HAND1: variants seen among roughly 807,000 people sequenced by gnomAD.
HAND1 encodes heart and neural crest derivatives expressed 1.
A neutral mutation model predicts 14.5 loss-of-function variants in HAND1; 10 were observed. The observed-to-expected ratio is 0.69, with a 90% CI of 0.42 to 1.17. The LOEUF is 1.17. Among genes scored for constraint, HAND1 ranks in the 50% most tolerant of loss-of-function variants. HAND1 has a pLI of 0.00. For synonymous variants in HAND1, 128 were observed against 127.1 expected (o/e 1.01, Z -0.05); for missense variants, 299 against 298.4 (o/e 1.00, Z -0.01).
At position 154,478,025 on chromosome 5, in the gene HAND1, G is replaced by C. The variant is rs1379824109; in HGVS notation, c.-17C>G. 1 of 1,596,656 alleles carries C rather than the reference G, an allele frequency of 6.3e-7. No homozygotes were observed. Among genetic ancestry groups the C allele is most frequent in the Non-Finnish European group, 8.5e-7 (1 of 1,179,796 alleles). ...GAGGTTCATGTTGGAGCGGCTACTG[G>C]CCTGCGCCGCCAGCCCTATTAACGC... On this transcript the variant is annotated 5_prime_UTR_variant, in exon 1 of 2. Coordinates refer to ENST00000231121, the MANE Select transcript of HAND1 (RefSeq NM_004821.3). This position sits in a 1 kb window ranked among gnomAD's most constrained non-coding sequence, Gnocchi z 4.5.
chr5:154,476,033 C>CTTA, intron 1 of HAND1, 123 bp from the exon 2 acceptor site: 1 of 756,496 alleles, frequency 1.3e-6, no homozygotes, highest in Non-Finnish European at 2.4e-6. Context: ...AACTGGGAGT[C>CTTA]TTTAAATAAG....
Position 154,475,922 on chromosome 5 carries a change from C to T in HAND1, c.544-12G>A. The T allele has an allele frequency of 6.2e-7, 1 of 1,605,956 alleles. No homozygotes were observed. Among genetic ancestry groups the T allele is most frequent in the Non-Finnish European group, 8.5e-7 (1 of 1,172,558 alleles). ...CCTTCGTGCTGCTGCTGCCAAAGGACACACAGAAGAAAAGAGGCGGGAGAG... is the reference window on the plus strand; with the variant it reads ...CCTTCGTGCTGCTGCTGCCAAAGGATACACAGAAGAAAAGAGGCGGGAGAG... On this transcript the variant is annotated splice_polypyrimidine_tract_variant and intron_variant, in intron 1 of 1. Transcript: ENST00000231121.
In HAND1 at chr5:154,475,928, G is replaced by C. The variant is rs933165391; in HGVS notation, c.544-18C>G. ...TGCTGCTGCTGCCAAAGGACACACA[G>C]AAGAAAAGAGGCGGGAGAGACAGGT... On this transcript the variant is annotated intron_variant, in intron 1 of 1. Coordinates refer to ENST00000231121, the MANE Select transcript of HAND1 (RefSeq NM_004821.3). 6.3e-6 allele frequency: 10 copies of C among 1,592,470 alleles called. No homozygotes were observed. Among genetic ancestry groups the C allele is most frequent in the Admixed American group, 1.7e-5 (1 of 59,984 alleles).
chr5:154,477,432 C>A (rs755576785), intron 1 of HAND1, 34 bp downstream of exon 1: 30 of 1,549,144 alleles, frequency 1.9e-5, no homozygotes, highest in African/African-American at 4.1e-5. Context: ...CGCTCCTGCA[C>A]CCTTGGCTGG....
rs929248860 is a variant in HAND1, at chr5:154,475,290, C to T, written c.*516G>A. 1.3e-5 allele frequency: 2 copies of T among 154,444 alleles called. No homozygotes were observed. Among genetic ancestry groups the T allele is most frequent in the African/African-American group, 4.8e-5 (2 of 41,472 alleles). 9.6% of individuals were successfully genotyped at this position (154,444 alleles called of 1,614,324 possible). ...AAAGAAAAATAAAATAAAACCACCA[C>T]GATTCGAAGAACAAAGGGCAGCCTT... On this transcript the variant is annotated 3_prime_UTR_variant, in exon 2 of 2. Coordinates refer to ENST00000231121, the MANE Select transcript of HAND1 (RefSeq NM_004821.3).
At chr5:154,477,228 T>C (rs1400714474) in intron 1 of HAND1, among the ~76,000 whole-genome samples, 2 of 152,170 alleles carry the variant, frequency 1.3e-5, no homozygotes, top group Non-Finnish European at 2.9e-5. Context: ...GGTCCGAGGC[T>C]CCAAACAGAT....
intron 1 of HAND1, 104 bp from the exon 2 acceptor site, chr5:154,476,014 G>T (rs1012543390): frequency 4.8e-6 from 4 of 829,614 alleles, no homozygotes; most frequent in South Asian, 1.4e-5. Context: ...GGAAGGTGTC[G>T]GGAGCAGTAA....
In HAND1 at chr5:154,478,030, C is replaced by A. The variant is rs1188528489; in HGVS notation, c.-22G>T. On this transcript the variant is annotated 5_prime_UTR_variant, in exon 1 of 2. Coordinates refer to ENST00000231121, the MANE Select transcript of HAND1 (RefSeq NM_004821.3). The surrounding 1 kb of genome is among the most constrained non-coding windows in gnomAD (Gnocchi z 4.5). Reference sequence around the variant, plus strand: ...TCATGTTGGAGCGGCTACTGGCCTGCGCCGCCAGCCCTATTAACGCCGCTC... The same window carrying A: ...TCATGTTGGAGCGGCTACTGGCCTGAGCCGCCAGCCCTATTAACGCCGCTC... 2 of 1,596,672 alleles carry A rather than the reference C, an allele frequency of 1.3e-6. No homozygotes were observed. The highest frequency in any genetic ancestry group is 2.2e-5 in the East Asian group (1 of 44,860).
chr5:154,477,647 A>T lies in HAND1; in HGVS notation c.362T>A (p.Ile121Asn). Reference protein sequence around the residue: ...NSAFAELRECIPNVPADTKLS... With the variant: ...NSAFAELRECNPNVPADTKLS... ...CTTGGTGTCGGCCGGCACGTTGGGG[A>T]TGCACTCGCGCAACTCCGCGAATGC... is the stretch of plus-strand genomic sequence containing the variant. The change falls in exon 1 of 2, where the codon ATC becomes AAC. Residue 121 changes from isoleucine (I) to asparagine (N), a missense_variant. Ile to Asn is a moderately radical substitution (Grantham distance 149, BLOSUM62 -3). Coordinates refer to ENST00000231121, the MANE Select transcript of HAND1 (RefSeq NM_004821.3). 1 of 1,614,108 alleles carries T rather than the reference A, an allele frequency of 6.2e-7. No homozygotes were observed. Among genetic ancestry groups the T allele is most frequent in the Non-Finnish European group, 8.5e-7 (1 of 1,180,016 alleles).
chr5:154,475,540 C>T lies in HAND1; in HGVS notation c.*266G>A. 2.0e-6 allele frequency: 1 copy of T among 492,206 alleles called. No homozygotes were observed. The highest frequency in any genetic ancestry group is 3.7e-6 in the Non-Finnish European group (1 of 270,164). 30.5% of individuals were successfully genotyped at this position (492,206 alleles called of 1,614,324 possible). A position where few individuals can be genotyped will look rare whatever the true frequency, so the allele number is the denominator to read the frequency against. On this transcript the variant is annotated 3_prime_UTR_variant, in exon 2 of 2. Transcript: ENST00000231121. ...GACAGTCCCTCCTTCTTGCATGTTG[C>T]CGCCAAGGGCCGCCCTCGGTTGGGC... is the stretch of plus-strand genomic sequence containing the variant.
intron 1 of HAND1, among the ~76,000 whole-genome samples, chr5:154,477,255 C>G (rs1023960903): frequency 6.6e-6 from 1 of 152,202 alleles, no homozygotes; most frequent in Non-Finnish European, 1.5e-5. Context: ...CTCAGTATTA[C>G]AAACACTCTC....
In HAND1 at chr5:154,478,124, A is replaced by G; in HGVS notation, c.-116T>C. 1.7e-6 allele frequency: 2 copies of G among 1,179,776 alleles called. No individual in the cohort carries two copies. Among genetic ancestry groups the G allele is most frequent in the Non-Finnish European group, 2.5e-6 (2 of 815,042 alleles). The allele number at this position is 1,179,776 out of a possible 1,614,324, so 73.1% of individuals were successfully genotyped here. On this transcript the variant is annotated 5_prime_UTR_variant, in exon 1 of 2. Coordinates refer to ENST00000231121, the MANE Select transcript of HAND1 (RefSeq NM_004821.3). This position sits in a 1 kb window ranked among gnomAD's most constrained non-coding sequence, Gnocchi z 4.5. ...GCCACTACTGGGCGCCGGCTTTGGG[A>G]GAGTCCGGGCAAGGCTGAAAATGAG...
rs1582055836 is a variant in HAND1, at chr5:154,475,997, G to C, written c.544-87C>G. 10 of 981,894 alleles carry C rather than the reference G, an allele frequency of 1.0e-5. No individual in the cohort carries two copies. In the South Asian group the frequency reaches 1.3e-4, roughly 13 times the overall value. The allele number at this position is 981,894 out of a possible 1,614,324, so 60.8% of individuals were successfully genotyped here. Reference sequence around the variant, plus strand: ...ATCGCCCGGCATGGGGTAAGATGAGGAGGAGGGGAAGGTGTCGGGAGCAGT... The same window carrying C: ...ATCGCCCGGCATGGGGTAAGATGAGCAGGAGGGGAAGGTGTCGGGAGCAGT... On this transcript the variant is annotated intron_variant, in intron 1 of 1. Transcript: ENST00000231121.
Position 154,475,714 on chromosome 5 carries a change from G to T in HAND1, c.*92C>A. On this transcript the variant is annotated 3_prime_UTR_variant, in exon 2 of 2. Coordinates refer to ENST00000231121, the MANE Select transcript of HAND1 (RefSeq NM_004821.3). The stretch of plus-strand genomic sequence containing the variant: ...GCGGGATGCGTAGCACCAGTCGCCG[G>T]AGCCCAGAGCCTGGCGTTCGCCGCT... The T allele has an allele frequency of 1.1e-6, 1 of 944,456 alleles. No homozygotes were observed. Among genetic ancestry groups the T allele is most frequent in the East Asian group, 2.5e-5 (1 of 39,718 alleles). 58.5% of individuals were successfully genotyped at this position (944,456 alleles called of 1,614,324 possible). A position where few individuals can be genotyped will look rare whatever the true frequency, so the allele number is the denominator to read the frequency against.
Position 154,477,809 on chromosome 5 carries a change from G to T in HAND1, c.200C>A (p.Ala67Glu). ...PAGGPPPAAAAAATAYGPDAR... is the reference protein window; with the variant it reads ...PAGGPPPAAAEAATAYGPDAR... Reference sequence around the variant, plus strand: ...GTCAGGACCATAGGCGGTGGCGGCTGCAGCGGCCGCGGGCGGCGGCCCGCC... The same window carrying T: ...GTCAGGACCATAGGCGGTGGCGGCTTCAGCGGCCGCGGGCGGCGGCCCGCC... The change falls in exon 1 of 2, where the codon GCA becomes GAA. Residue 67 changes from alanine to glutamate, a missense_variant. By Grantham distance (107) the Ala-to-Glu change is moderately radical. Transcript: ENST00000231121. The T allele has an allele frequency of 6.3e-7, 1 of 1,588,962 alleles. No individual in the cohort carries two copies. Among genetic ancestry groups the T allele is most frequent in the Non-Finnish European group, 8.5e-7 (1 of 1,173,472 alleles).
chr5:154,477,811 A>G lies in HAND1; in HGVS notation c.198T>C (p.Ala66=), dbSNP rs1448334434. ...FPAGGPPPAA[A]AAATAYGPDA... is the part of the protein sequence containing the mutation. ...CAGGACCATAGGCGGTGGCGGCTGC[A>G]GCGGCCGCGGGCGGCGGCCCGCCCG... Residue 66 remains alanine (A), a synonymous_variant, in exon 1 of 2, where the codon GCT becomes GCC. Coordinates refer to ENST00000231121, the MANE Select transcript of HAND1 (RefSeq NM_004821.3). 6.3e-7 allele frequency: 1 copy of G among 1,587,060 alleles called. No individual in the cohort carries two copies. Among genetic ancestry groups the G allele is most frequent in the Admixed American group, 1.7e-5 (1 of 58,048 alleles).
chr5:154,476,055 T>C, intron 1 of HAND1, 145 bp from the exon 2 acceptor site: 1 of 731,514 alleles, frequency 1.4e-6, no homozygotes, highest in East Asian at 2.7e-5. Flanking sequence ...GACGGATTTC[T>C]GTTTGCGAAA....
At position 154,477,577 on chromosome 5, in the gene HAND1, G is replaced by C. The variant is rs570062952; in HGVS notation, c.432C>G (p.Ala144=). The change falls in exon 1 of 2, where the codon GCC becomes GCG. Residue 144 remains alanine (A), a synonymous_variant. Coordinates refer to ENST00000231121, the MANE Select transcript of HAND1 (RefSeq NM_004821.3). ...KTLRLATSYI[A]YLMDVLAKDA... is the part of the protein sequence containing the mutation. ...CCTTGGCCAGCACGTCCATCAGGTA[G>C]GCGATGTAGCTGGTGGCTAGGCGCA... The C allele has an allele frequency of 4.3e-6, 7 of 1,614,244 alleles. No individual in the cohort carries two copies. In the African/African-American group the frequency reaches 9.3e-5, roughly 22 times the overall value.
chr5:154,476,886 A>C (rs1757550915), intron 1 of HAND1, among the ~76,000 whole-genome samples: 1 of 152,336 alleles, frequency 6.6e-6, no homozygotes, highest in Middle Eastern at 3.4e-3. Context: ...CGTCCTCAGA[A>C]CCAGTCCATG....
Sources: gnomAD v4.1 joint callset for allele counts (sites outside exome capture counted in the v4.1 genomes callset) on GRCh38, gnomAD v4.1.1 for gene constraint, Gnocchi (gnomAD v3.1) non-coding constraint, MANE v1.5 for transcripts, NCBI Gene and HGNC (gene_info 2026-07-23, HGNC 2026-07-21) for gene names.